Variants in CNOT7 observed in about 807,000 individuals in gnomAD.
CNOT7 encodes the protein BTG1-binding factor 1.
A neutral mutation model predicts 37.1 loss-of-function variants in CNOT7; 4 were observed. The observed-to-expected ratio is 0.11, with a 90% CI of 0.05 to 0.25. The LOEUF is 0.25. Ranked by LOEUF, CNOT7 falls within the 10% of genes least tolerant of loss-of-function variation. The probability of loss-of-function intolerance (pLI) is 1.00; values close to 1 mark genes in which losing one functional copy is unlikely to be tolerated. For synonymous variants in CNOT7, 128 were observed against 115.6 expected (o/e 1.11, Z -0.69); for missense variants, 170 against 336.2 (o/e 0.51, Z 3.87).
chr8:17,246,560 A>G (rs890856921), intron 1 of CNOT7, 115 bp downstream of exon 1: 1 of 151,148 alleles, frequency 6.6e-6, no homozygotes, highest in African/African-American at 2.5e-5. Context: ...TTCCTCCGCC[A>G]GCCGCACTCC....
At chr8:17,235,560 C>T (rs1809233622) in intron 4 of CNOT7, among the ~76,000 whole-genome samples, 1 of 152,062 alleles carries the variant, frequency 6.6e-6, no homozygotes, top group Non-Finnish European at 1.5e-5. Context: ...ACTCTCAAAT[C>T]CAGAACTCTT....
chr8:17,233,439 G>A (rs1441995131), intron 5 of CNOT7, among the ~76,000 whole-genome samples: 1 of 152,170 alleles, frequency 6.6e-6, no homozygotes, highest in African/African-American at 2.4e-5. Context: ...GCTGACTATA[G>A]GTCAAAAAGC....
rs1479061268 is a variant in CNOT7, at chr8:17,227,631, A to ATGTT, written c.*3085_*3088dup. The ATGTT allele has an allele frequency of 6.6e-6, 1 of 151,988 alleles. No individual in the cohort carries two copies. Among genetic ancestry groups the ATGTT allele is most frequent in the African/African-American group, 2.4e-5 (1 of 41,544 alleles). 9.4% of individuals were successfully genotyped at this position (151,988 alleles called of 1,614,324 possible). On this transcript the variant is annotated 3_prime_UTR_variant, in exon 7 of 7. Transcript: ENST00000361272. ...ATTACTTTTGTGAAATTTTGCTGTG[A>ATGTT]TGTTTCATTTAAATTTTCTAATTCT...
At chr8:17,230,956 T>C (rs1808522297) in intron 6 of CNOT7, 108 bp from the exon 7 acceptor site, 1 of 762,668 alleles carries the variant, frequency 1.3e-6, no homozygotes, top group Non-Finnish European at 2.1e-6. Context: ...ACAATAATGA[T>C]GGCTCTTTTC....
intron 5 of CNOT7, 123 bp from the exon 6 acceptor site, chr8:17,232,660 A>G (rs902465933): frequency 5.2e-6 from 4 of 766,574 alleles, no homozygotes; most frequent in South Asian, 1.8e-5. Flanking sequence ...TGAATCTTAT[A>G]AAGATTGGGG....
intron 2 of CNOT7, chr8:17,243,390 T>C: frequency 4.7e-6 from 3 of 640,406 alleles, no homozygotes; most frequent in Admixed American, 2.6e-5. Flanking sequence ...CTTAAATATA[T>C]CCAAAAAGTT....
At position 17,226,591 on chromosome 8, in the gene CNOT7, TA is replaced by T. The variant is rs1808174399; in HGVS notation, c.*4128del. 1 of 151,758 alleles carries T rather than the reference TA, an allele frequency of 6.6e-6. No individual in the cohort carries two copies. Among genetic ancestry groups the T allele is most frequent in the African/African-American group, 2.4e-5 (1 of 41,396 alleles). 9.4% of individuals were successfully genotyped at this position (151,758 alleles called of 1,614,324 possible). Reference sequence around the variant, plus strand: ...GCATTTAATTGCAGTTAAATGCTTTTAAAATTTAAAAATTTTCTTTGCACTG... The same window carrying T: ...GCATTTAATTGCAGTTAAATGCTTTTAAATTTAAAAATTTTCTTTGCACTG... On this transcript the variant is annotated 3_prime_UTR_variant, in exon 7 of 7. Transcript: ENST00000361272.
Sources: gnomAD v4.1 joint callset for allele counts (sites outside exome capture counted in the v4.1 genomes callset) on GRCh38, gnomAD v4.1.1 for gene constraint, MANE v1.5 for transcripts, NCBI Gene and HGNC (gene_info 2026-07-23, HGNC 2026-07-21) for gene names.